The following FREM3 variants were observed in gnomAD, a reference collection of about 807,000 sequenced individuals.
The protein encoded by FREM3 is FRAS1 related extracellular matrix 3, also known as FRAS1-related extracellular matrix protein 3.
Under a neutral mutation model 129.1 loss-of-function variants are expected in FREM3, and 105 were observed. The ratio of observed to expected loss-of-function variants is 0.81; its 90% CI spans 0.69 to 0.96. The LOEUF (loss-of-function observed/expected upper bound fraction) is 0.96. FREM3 is among the 40% of genes least tolerant of loss of function. The pLI is 0.00. For synonymous variants in FREM3, 1,014 were observed against 1,044.9 expected, an observed-to-expected ratio of 0.97 and a Z score of 0.57; for missense variants, 2,593 against 2,666.3, an observed-to-expected ratio of 0.97 and a Z score of 0.61.
intron 2 of FREM3, among the ~76,000 whole-genome samples, chr4:143,654,228 G>A (rs944830597): frequency 1.1e-4 from 16 of 152,086 alleles, no homozygotes; most frequent in Non-Finnish European, 2.2e-4. Flanking sequence ...TCAGCCTACC[G>A]AGTAGCTGGG....
intron 2 of FREM3, among the ~76,000 whole-genome samples, chr4:143,641,179 T>C (rs1375761899): frequency 6.6e-6 from 1 of 152,058 alleles, no homozygotes; most frequent in African/African-American, 2.4e-5. Context: ...TTTCTAAGAA[T>C]ACAAAGATAA....
At chr4:143,689,265 A>G (rs1473994751) in intron 2 of FREM3, among the ~76,000 whole-genome samples, 1 of 152,198 alleles carries the variant, frequency 6.6e-6, no homozygotes, top group Admixed American at 6.5e-5. Flanking sequence ...TGACCAACAA[A>G]CATGAAAAAA....
At chr4:143,641,382 A>G (rs1739318960) in intron 2 of FREM3, among the ~76,000 whole-genome samples, 1 of 152,206 alleles carries the variant, frequency 6.6e-6, no homozygotes, top group South Asian at 2.1e-4. Context: ...CAGGTTTTAG[A>G]ACCAAGTGTA....
chr4:143,577,412 G>A lies in FREM3; in HGVS notation c.*199C>T. ...ACATGAACACAGTCTAATTATTTGT[G>A]GGCTCAATGTTTTCTAGGTATATAT... On this transcript the variant is annotated 3_prime_UTR_variant, in exon 8 of 8. Transcript: ENST00000329798. 1.8e-6 allele frequency: 1 copy of A among 547,960 alleles called. No homozygotes were observed. The highest frequency in any genetic ancestry group is 3.1e-6 in the Non-Finnish European group (1 of 317,542). The allele number at this position is 547,960 out of a possible 1,614,324, so 33.9% of individuals were successfully genotyped here.
chr4:143,689,180 G>GA (rs1276819279), intron 2 of FREM3, among the ~76,000 whole-genome samples: 2 of 151,736 alleles, frequency 1.3e-5, no homozygotes, highest in Non-Finnish European at 2.9e-5. Context: ...AAATCAGTAA[G>GA]AAAAAAACAA....
intron 2 of FREM3, among the ~76,000 whole-genome samples, chr4:143,633,822 G>A (rs756619182): frequency 8.5e-5 from 13 of 152,200 alleles, no homozygotes; most frequent in East Asian, 1.9e-4. Flanking sequence ...AATCCTAAGC[G>A]TCGCAGATAA....
At chr4:143,619,345 G>A (rs139899799) in intron 5 of FREM3, among the ~76,000 whole-genome samples, 225 of 152,134 alleles carry the variant, frequency 1.5e-3, no homozygotes, top group Non-Finnish European at 2.4e-3. Flanking sequence ...ATTTTGATTC[G>A]TTCTCTTGTA....
At chr4:143,608,811 A>G (rs1257321775) in intron 6 of FREM3, among the ~76,000 whole-genome samples, 2 of 152,182 alleles carry the variant, frequency 1.3e-5, no homozygotes, top group Admixed American at 6.5e-5. Flanking sequence ...GGCCTTGGAA[A>G]AATAAAAGAC....
At chr4:143,630,530 G>T (rs759793955) in intron 2 of FREM3, among the ~76,000 whole-genome samples, 1 of 152,010 alleles carries the variant, frequency 6.6e-6, no homozygotes, top group African/African-American at 2.4e-5. Flanking sequence ...TGAAATTTTA[G>T]TATGCCTTGA....
chr4:143,700,566 C>T lies in FREM3; in HGVS notation c.110G>A (p.Gly37Glu), dbSNP rs1184070991. The stretch of plus-strand genomic sequence containing the variant: ...GTAAAGCGCCGGGTCGGGCTCGGTC[C>T]CAAGTGAGGATGCCCGTCCCTGCAG... ...PALQGRASSL[G>E]TEPDPALYLP... The change falls in exon 1 of 8, where the codon GGG becomes GAG. Residue 37 changes from glycine to glutamate, a missense_variant. Coordinates refer to ENST00000329798, the MANE Select transcript of FREM3 (RefSeq NM_001168235.2). 3 of 1,509,098 alleles carry T rather than the reference C, an allele frequency of 2.0e-6. No individual in the cohort carries two copies. Among genetic ancestry groups the T allele is most frequent in the South Asian group, 2.5e-5 (2 of 81,102 alleles). 93.5% of individuals were successfully genotyped at this position (1,509,098 alleles called of 1,614,324 possible). A position where few individuals can be genotyped will look rare whatever the true frequency, so the allele number is the denominator to read the frequency against.
chr4:143,578,789 A>G (rs1203073271), intron 7 of FREM3, among the ~76,000 whole-genome samples: 1 of 152,232 alleles, frequency 6.6e-6, no homozygotes, highest in Non-Finnish European at 1.5e-5. Context: ...CTTCAAAAGC[A>G]TCAAGGTGTT....
intron 2 of FREM3, among the ~76,000 whole-genome samples, chr4:143,686,261 C>T (rs1291243340): frequency 6.6e-6 from 1 of 152,068 alleles, no homozygotes; most frequent in Non-Finnish European, 1.5e-5. Flanking sequence ...AGGCCTTGTC[C>T]AACAGGAAAA....
At chr4:143,652,618 A>G (rs540180980) in intron 2 of FREM3, among the ~76,000 whole-genome samples, 1 of 152,264 alleles carries the variant, frequency 6.6e-6, no homozygotes, top group South Asian at 2.1e-4. Context: ...TGAAGACTGC[A>G]TGCTTTCCTG....
At chr4:143,602,163 G>T (rs1335819700) in intron 6 of FREM3, among the ~76,000 whole-genome samples, 1 of 152,118 alleles carries the variant, frequency 6.6e-6, no homozygotes, top group African/African-American at 2.4e-5. Flanking sequence ...AAATGAATGT[G>T]TGCTTTTCCC....
rs199573437 is a variant in FREM3 at position 143,695,778 on chromosome 4, T to C, written c.4898A>G (p.Tyr1633Cys). The C allele has an allele frequency of 3.9e-6, 6 of 1,537,298 alleles. No individual in the cohort carries two copies. The highest frequency in any genetic ancestry group is 5.2e-6 in the Non-Finnish European group (6 of 1,146,934). Reference sequence around the variant, plus strand: ...CGCCAGGGCAGTGTCTGGTAGGACATAGAAATCAGTGTGAGTGCCGTCTGT... The same window carrying C: ...CGCCAGGGCAGTGTCTGGTAGGACACAGAAATCAGTGTGAGTGCCGTCTGT... ...TVTDGTHTDFYVLPDTALATH... is the reference protein window; with the variant it reads ...TVTDGTHTDFCVLPDTALATH... Residue 1633 changes from tyrosine to cysteine, a missense_variant, in exon 1 of 8, where the codon TAT becomes TGT. Coordinates refer to ENST00000329798, the MANE Select transcript of FREM3 (RefSeq NM_001168235.2).
intron 2 of FREM3, among the ~76,000 whole-genome samples, chr4:143,648,334 G>T (rs940196117): frequency 1.3e-5 from 2 of 152,170 alleles, no homozygotes; most frequent in Non-Finnish European, 2.9e-5. Flanking sequence ...GGTTAATTCT[G>T]GAATGAGTTA....
intron 6 of FREM3, among the ~76,000 whole-genome samples, chr4:143,586,898 A>G (rs1321588172): frequency 1.3e-5 from 2 of 152,252 alleles, no homozygotes; most frequent in African/African-American, 2.4e-5. Context: ...CAGATTCACC[A>G]TGGAGGAACA....
rs566105657 is a variant in FREM3, at chr4:143,662,801, C to G, written c.5275+30312G>C. Among the ~76,000 whole-genome samples, 392 of 152,012 alleles carry G rather than the reference C, an allele frequency of 2.6e-3. 1 individual carries two copies. The highest frequency in any genetic ancestry group is 4.5e-3 in the Non-Finnish European group (309 of 67,932). On this transcript the variant is annotated intron_variant, in intron 2 of 7. Transcript: ENST00000329798. ...GTGTATATATATTTAGGATAGTTAG[C>G]TCTTCTTGTTGAATTGATCCCTTTA...
intron 2 of FREM3, among the ~76,000 whole-genome samples, chr4:143,673,887 G>A (rs1436274638): frequency 1.3e-5 from 2 of 152,238 alleles, no homozygotes; most frequent in Admixed American, 6.5e-5. Flanking sequence ...GGGACCCTCC[G>A]AGCCATGCGC....
Sources: gnomAD v4.1 joint callset for allele counts (sites outside exome capture counted in the v4.1 genomes callset) on GRCh38, gnomAD v4.1.1 for gene constraint, MANE v1.5 for transcripts, NCBI Gene and HGNC (gene_info 2026-07-23, HGNC 2026-07-21) for gene names.